The following SATL1 variants were observed in gnomAD, a reference collection of about 807,000 sequenced individuals.
SATL1 encodes the protein spermidine/spermine N(1)-acetyltransferase-like protein 1.
SATL1 carries 47 observed loss-of-function variants against 51.8 expected under a neutral mutation model. The ratio of observed to expected loss-of-function variants is 0.91; its 90% CI spans 0.72 to 1.16. The LOEUF (loss-of-function observed/expected upper bound fraction) is 1.16, where lower values mean the gene tolerates loss of function less well. Ranked by LOEUF, SATL1 falls within the 50% of genes most tolerant of loss-of-function variation. The pLI is 0.00. For synonymous variants in SATL1, 176 were observed against 182.4 expected, an observed-to-expected ratio of 0.97 and a Z score of 0.28; for missense variants, 520 against 526.4, an observed-to-expected ratio of 0.99 and a Z score of 0.12.
At chrX:85,137,942 C>T (rs374718993) in intron 2 of SATL1, among the ~76,000 whole-genome samples, 68 of 111,757 alleles carry the variant, frequency 6.1e-4, no homozygotes, top group East Asian at 2.5e-3. Flanking sequence ...TACTAATAAG[C>T]GCATCAAAAA....
chrX:85,165,529 T>C lies in SATL1; in HGVS notation c.-312-56249A>G, dbSNP rs369457666. 4.5e-5 allele frequency among the ~76,000 whole-genome samples: 5 copies of C among 111,323 alleles called. No individual in the cohort carries two copies. In the South Asian group the frequency reaches 1.9e-3, roughly 42 times the overall value. Reference sequence around the variant, plus strand: ...TTGAATAGCTTAATAATCAACCTTCTGAATTCTTTATCTGGCAATTTAGAG... The same window carrying C: ...TTGAATAGCTTAATAATCAACCTTCCGAATTCTTTATCTGGCAATTTAGAG... On this transcript the variant is annotated intron_variant, in intron 2 of 7. Transcript: ENST00000644105.
intron 2 of SATL1, among the ~76,000 whole-genome samples, chrX:85,220,578 T>C (rs764028900): frequency 2.0e-4 from 19 of 92,938 alleles, no homozygotes; most frequent in Non-Finnish European, 3.1e-4. Flanking sequence ...CACAGCAGCA[T>C]AGGGCACCGA....
At chrX:85,113,403 T>G (rs12014220) in intron 2 of SATL1, among the ~76,000 whole-genome samples, 3,050 of 111,418 alleles carry the variant, frequency 0.027, 121 homozygotes, top group African/African-American at 0.094. Flanking sequence ...CTAGCTGATT[T>G]CAATATGTGC....
chrX:85,104,814 G>C (rs1316874949), intron 3 of SATL1, among the ~76,000 whole-genome samples: 1 of 111,414 alleles, frequency 9.0e-6, no homozygotes, highest in Non-Finnish European at 1.9e-5. Context: ...TAGTTATACT[G>C]TATTGTATAG....
intron 2 of SATL1, among the ~76,000 whole-genome samples, chrX:85,217,330 C>T (rs1423929898): frequency 9.0e-6 from 1 of 110,921 alleles, no homozygotes; most frequent in Non-Finnish European, 1.9e-5. Flanking sequence ...GGATAAGAGA[C>T]TCAAAAAAGA....
chrX:85,214,501 T>C (rs1171663952), intron 2 of SATL1, among the ~76,000 whole-genome samples: 1 of 111,137 alleles, frequency 9.0e-6, no homozygotes, highest in Non-Finnish European at 1.9e-5. Context: ...AACTATAGCA[T>C]TCTACCCCTG....
chrX:85,216,319 T>G (rs763969883), intron 2 of SATL1, among the ~76,000 whole-genome samples: 27 of 110,787 alleles, frequency 2.4e-4, no homozygotes, highest in Admixed American at 2.4e-3. Context: ...CAACATGAGA[T>G]TTGGAGGGGT....
intron 2 of SATL1, among the ~76,000 whole-genome samples, chrX:85,152,038 A>C (rs1221430716): frequency 1.8e-5 from 2 of 109,814 alleles, no homozygotes; most frequent in African/African-American, 6.6e-5. Flanking sequence ...CAACCTACAA[A>C]ATGGGAGAAA....
intron 4 of SATL1, among the ~76,000 whole-genome samples, chrX:85,100,184 ACT>A (rs1172307041): frequency 1.9e-5 from 2 of 107,712 alleles, no homozygotes; most frequent in African/African-American, 3.4e-5. Context: ...ACAGAGCAAG[ACT>A]CTGTCTCAAA....
At chrX:85,104,778 C>G (rs776570344) in intron 3 of SATL1, among the ~76,000 whole-genome samples, 1 of 111,578 alleles carries the variant, frequency 9.0e-6, no homozygotes, top group East Asian at 2.8e-4. Flanking sequence ...CTTACAATAT[C>G]TAATACAATG....
chrX:85,209,476 A>G lies in SATL1; in HGVS notation c.-313+14729T>C, dbSNP rs190207657. 3 of 111,631 alleles carry G rather than the reference A, an allele frequency of 2.7e-5. No homozygotes were observed. In the East Asian group the frequency reaches 8.5e-4, roughly 32 times the overall value. 9.2% of individuals were successfully genotyped at this position (111,631 alleles called of 1,213,427 possible). On this transcript the variant is annotated intron_variant, in intron 2 of 7. Coordinates refer to ENST00000644105, the MANE Select transcript of SATL1 (RefSeq NM_001367857.2). ...ATAAATTACCTTGGGCAGTATGACC[A>G]TTTTCACAATATTGATTCTTCCTAT...
chrX:85,183,231 C>T (rs1297099395), intron 2 of SATL1, among the ~76,000 whole-genome samples: 1 of 109,974 alleles, frequency 9.1e-6, no homozygotes, highest in Non-Finnish European at 1.9e-5. Context: ...GGTCTCTCTT[C>T]CATTTTGAGT....
chrX:85,095,715 A>G (rs971108058), intron 4 of SATL1, among the ~76,000 whole-genome samples: 2 of 102,418 alleles, frequency 2.0e-5, no homozygotes, highest in African/African-American at 7.1e-5. Context: ...AGTCCCAGCT[A>G]CTTGGGAGGC....
intron 2 of SATL1, among the ~76,000 whole-genome samples, chrX:85,198,983 G>A (rs1360950324): frequency 2.7e-5 from 3 of 109,295 alleles, no homozygotes; most frequent in East Asian, 2.9e-4. Flanking sequence ...GACTACAGGC[G>A]CACTCCACCA....
intron 2 of SATL1, among the ~76,000 whole-genome samples, chrX:85,195,434 TCAAA>T (rs887360193): frequency 3.6e-5 from 4 of 111,420 alleles, no homozygotes; most frequent in South Asian, 3.7e-4. Flanking sequence ...AAATTTATGA[TCAAA>T]CAGTTGATGA....
chrX:85,129,087 T>C (rs750675428), intron 2 of SATL1, among the ~76,000 whole-genome samples: 14 of 111,998 alleles, frequency 1.3e-4, no homozygotes, highest in African/African-American at 4.5e-4. Flanking sequence ...GCGTGATGCC[T>C]CCAGCTTTGC....
intron 2 of SATL1, among the ~76,000 whole-genome samples, chrX:85,155,119 A>G (rs1042446303): frequency 9.0e-6 from 1 of 111,695 alleles, no homozygotes; most frequent in Non-Finnish European, 1.9e-5. Flanking sequence ...CCTTTCAAGC[A>G]TCATGTGGTA....
intron 3 of SATL1, among the ~76,000 whole-genome samples, chrX:85,105,773 G>A (rs756284307): frequency 2.4e-4 from 27 of 112,054 alleles, no homozygotes; most frequent in Non-Finnish European, 7.5e-5. Flanking sequence ...CAGGAGTTAG[G>A]ACAAATGGAC....
chrX:85,203,516 A>G (rs949252132), intron 2 of SATL1, among the ~76,000 whole-genome samples: 6 of 110,583 alleles, frequency 5.4e-5, no homozygotes, highest in Admixed American at 4.7e-4. Flanking sequence ...CTCTGGGAGT[A>G]CCATCCCAGG....
Sources: allele counts gnomAD v4.1 joint callset (sites outside exome capture counted in the v4.1 genomes callset), GRCh38; gene constraint gnomAD v4.1.1; transcripts MANE v1.5; gene names NCBI Gene and HGNC (gene_info 2026-07-23, HGNC 2026-07-21).